The following DPYD variants were observed in gnomAD, a reference collection of about 807,000 sequenced individuals.
DPYD encodes dihydropyrimidine dehydrogenase.
DPYD carries 109 observed loss-of-function variants against 116.2 expected under a neutral mutation model. The observed-to-expected ratio is 0.94, with a 90% CI of 0.80 to 1.10. DPYD has a LOEUF of 1.10. Ranked by LOEUF, DPYD falls within the 50% of genes least tolerant of loss-of-function variation. The pLI is 0.00. For synonymous variants in DPYD, 440 were observed against 432.0 expected (o/e 1.02, Z -0.23); for missense variants, 1,302 against 1,254.5 (o/e 1.04, Z -0.57).
intron 11 of DPYD, among the ~76,000 whole-genome samples, chr1:97,557,297 C>T (rs1358498694): frequency 1.4e-5 from 2 of 145,550 alleles, no homozygotes; most frequent in Admixed American, 1.4e-4. Flanking sequence ...TTTCTATTCC[C>T]TTTTTCTTTT....
At chr1:97,431,523 AT>A (rs1675176918) in intron 14 of DPYD, among the ~76,000 whole-genome samples, 2 of 151,912 alleles carry the variant, frequency 1.3e-5, no homozygotes, top group Non-Finnish European at 2.9e-5. Context: ...ACTGTGGCAT[AT>A]TTTTTCTCTT....
rs1648943227 is a variant in DPYD, at chr1:97,078,502, T to C, written c.*474A>G. 5.4e-6 allele frequency: 1 copy of C among 184,654 alleles called. No homozygotes were observed. The highest frequency in any genetic ancestry group is 2.4e-5 in the African/African-American group (1 of 41,776). 11.4% of individuals were successfully genotyped at this position (184,654 alleles called of 1,614,324 possible). ...TTTGTACTTTATGGAGCTAACTACATTTTCTTAGAAACAGCATTAAAATTA... is the reference window on the plus strand; with the variant it reads ...TTTGTACTTTATGGAGCTAACTACACTTTCTTAGAAACAGCATTAAAATTA... On this transcript the variant is annotated 3_prime_UTR_variant, in exon 23 of 23. Transcript: ENST00000370192.
intron 9 of DPYD, among the ~76,000 whole-genome samples, 176 bp downstream of exon 9, chr1:97,594,883 A>G (rs1654768132): frequency 6.6e-6 from 1 of 151,972 alleles, no homozygotes; most frequent in Admixed American, 6.6e-5. Flanking sequence ...ATGAACAAAC[A>G]GATGATTCTG....
chr1:97,137,484 C>T (rs528165161), intron 20 of DPYD, among the ~76,000 whole-genome samples: 142 of 152,300 alleles, frequency 9.3e-4, no homozygotes, highest in African/African-American at 3.2e-3. Flanking sequence ...GTTTTAATAA[C>T]ACAAACACTT....
intron 15 of DPYD, among the ~76,000 whole-genome samples, chr1:97,376,206 A>G (rs1190752260): frequency 6.6e-6 from 1 of 152,194 alleles, no homozygotes; most frequent in Non-Finnish European, 1.5e-5. Context: ...GAACTCAAGC[A>G]TTTTGAGTCC....
intron 8 of DPYD, among the ~76,000 whole-genome samples, chr1:97,651,111 T>C (rs1347777376): frequency 2.6e-5 from 4 of 152,172 alleles, no homozygotes; most frequent in Non-Finnish European, 5.9e-5. Context: ...AATTTATTCA[T>C]CTTTATACAT....
At chr1:97,453,612 C>A (rs895545556) in intron 13 of DPYD, among the ~76,000 whole-genome samples, 5 of 152,022 alleles carry the variant, frequency 3.3e-5, no homozygotes, top group African/African-American at 1.2e-4. Context: ...AATAAGCTGA[C>A]AATATTTAAT....
intron 20 of DPYD, among the ~76,000 whole-genome samples, chr1:97,130,769 CT>C (rs1213696404): frequency 2.5e-5 from 1 of 40,304 alleles, no homozygotes; most frequent in Non-Finnish European, 5.0e-5. Context: ...TCCTTCCTTC[CT>C]TCCTTCCTTT....
At chr1:97,300,779 C>A (rs2101020695) in intron 18 of DPYD, among the ~76,000 whole-genome samples, 1 of 152,126 alleles carries the variant, frequency 6.6e-6, no homozygotes, top group African/African-American at 2.4e-5. Context: ...TGCATTCTAA[C>A]AATTCACGCC....
At chr1:97,851,547 C>A (rs895811270) in intron 2 of DPYD, among the ~76,000 whole-genome samples, 19 of 151,734 alleles carry the variant, frequency 1.3e-4, no homozygotes, top group African/African-American at 4.6e-4. Context: ...TGCATTCGGA[C>A]CTCCCCTATG....
chr1:97,136,535 G>A (rs1653813787), intron 20 of DPYD, among the ~76,000 whole-genome samples: 1 of 152,018 alleles, frequency 6.6e-6, no homozygotes, highest in Non-Finnish European at 1.5e-5. Flanking sequence ...TGCCAGACTG[G>A]GGTATCTTAG....
chr1:97,328,309 G>T (rs1668807394), intron 16 of DPYD, among the ~76,000 whole-genome samples: 1 of 152,078 alleles, frequency 6.6e-6, no homozygotes, highest in Non-Finnish European at 1.5e-5. Context: ...TATAGACATG[G>T]TTATTTCTAA....
At position 97,716,429 on chromosome 1, in the gene DPYD, C is replaced by G. The variant is rs1051970961; in HGVS notation, c.483+5081G>C. ...TCAGTGAATGGATGCATAAATAGAC[C>G]AATGTAAAAAAAATAGAGCTCCAAA... On this transcript the variant is annotated intron_variant, in intron 5 of 22. Transcript: ENST00000370192. Among the ~76,000 whole-genome samples the G allele has an allele frequency of 2.0e-5, 3 of 151,624 alleles. No homozygotes were observed. In the South Asian group the frequency reaches 6.3e-4, roughly 32 times the overall value.
chr1:97,246,941 C>G (rs1662760169), intron 18 of DPYD, among the ~76,000 whole-genome samples: 1 of 152,148 alleles, frequency 6.6e-6, no homozygotes, highest in South Asian at 2.1e-4. Flanking sequence ...TCAGGGGACA[C>G]TAAAGAGAAT....
At chr1:97,563,774 A>G (rs143397237) in intron 11 of DPYD, among the ~76,000 whole-genome samples, 2 of 152,284 alleles carry the variant, frequency 1.3e-5, no homozygotes, top group East Asian at 3.9e-4. Flanking sequence ...TTGATTCCCA[A>G]TCACTTTCAA....
chr1:97,527,226 C>T (rs185788381), intron 12 of DPYD, among the ~76,000 whole-genome samples: 2,041 of 152,076 alleles, frequency 0.013, 27 homozygotes, highest in Middle Eastern at 0.027. Context: ...CCACAGGCGC[C>T]TGCCACCACG....
intron 19 of DPYD, among the ~76,000 whole-genome samples, chr1:97,230,385 G>A (rs892279761): frequency 1.3e-5 from 2 of 152,032 alleles, no homozygotes; most frequent in Admixed American, 6.6e-5. Flanking sequence ...ATACAGGAAC[G>A]GACAACCAAA....
intron 8 of DPYD, among the ~76,000 whole-genome samples, chr1:97,641,670 T>C (rs947058592): frequency 2.0e-5 from 3 of 152,160 alleles, no homozygotes; most frequent in African/African-American, 4.8e-5. Flanking sequence ...GCTGGAACCA[T>C]TCCCTTTGAA....
intron 13 of DPYD, among the ~76,000 whole-genome samples, chr1:97,485,391 G>A (rs1380532297): frequency 1.3e-5 from 2 of 152,140 alleles, no homozygotes; most frequent in East Asian, 3.9e-4. Context: ...TAGTAGAGAT[G>A]AGGTTTTGCC....
Sources: allele counts gnomAD v4.1 joint callset (sites outside exome capture counted in the v4.1 genomes callset), GRCh38; gene constraint gnomAD v4.1.1; transcripts MANE v1.5; gene names NCBI Gene and HGNC (gene_info 2026-07-23, HGNC 2026-07-21).